Variants in CDH12 observed in about 807,000 individuals in gnomAD.
CDH12 encodes cadherin 12.
A neutral mutation model predicts 74.1 loss-of-function variants in CDH12; 41 were observed. The ratio of observed to expected loss-of-function variants is 0.55; its 90% confidence interval spans 0.43 to 0.72. CDH12 has a LOEUF of 0.72. CDH12 is among the 30% of genes least tolerant of loss of function. CDH12 has a pLI of 0.00. For missense variants in CDH12, 945 were observed against 977.2 expected, an observed-to-expected ratio of 0.97 and a Z score of 0.44; for synonymous variants, 399 against 355.0, an observed-to-expected ratio of 1.12 and a Z score of -1.39.
intron 6 of CDH12, among the ~76,000 whole-genome samples, chr5:21,905,286 A>G (rs1470689854): frequency 6.6e-6 from 1 of 152,236 alleles, no homozygotes; most frequent in African/African-American, 2.4e-5. Context: ...ACAAAACAAG[A>G]TAAAAACTAA....
intron 5 of CDH12, among the ~76,000 whole-genome samples, chr5:21,991,750 C>G (rs186843110): frequency 1.3e-5 from 2 of 151,354 alleles, no homozygotes; most frequent in Admixed American, 1.3e-4. Flanking sequence ...TTCCTTTCCT[C>G]ATTCTATAGT....
At chr5:22,545,202 G>A (rs546773470) in intron 1 of CDH12, among the ~76,000 whole-genome samples, 1 of 152,310 alleles carries the variant, frequency 6.6e-6, no homozygotes, top group South Asian at 2.1e-4. Flanking sequence ...AAAGGACTTT[G>A]AGAGGCCATC....
At chr5:22,247,491 A>G (rs1157548333) in intron 3 of CDH12, among the ~76,000 whole-genome samples, 1 of 152,116 alleles carries the variant, frequency 6.6e-6, no homozygotes, top group Non-Finnish European at 1.5e-5. Flanking sequence ...CCTAGGCAAT[A>G]TGGTAAAAAA....
At chr5:21,776,589 T>C (rs552865487) in intron 11 of CDH12, among the ~76,000 whole-genome samples, 1 of 152,270 alleles carries the variant, frequency 6.6e-6, no homozygotes, top group Non-Finnish European at 1.5e-5. Context: ...GCTCCACCTA[T>C]TTTTAGGATA....
intron 5 of CDH12, among the ~76,000 whole-genome samples, chr5:21,983,945 G>A (rs1757414170): frequency 6.6e-6 from 1 of 152,014 alleles, no homozygotes; most frequent in African/African-American, 2.4e-5. Flanking sequence ...TGTGAACTGT[G>A]GGATTTCTTG....
chr5:22,725,480 A>C (rs1744117818), intron 1 of CDH12, among the ~76,000 whole-genome samples: 1 of 151,842 alleles, frequency 6.6e-6, no homozygotes, highest in South Asian at 2.1e-4. Context: ...CTAAATCTAC[A>C]ATACACGTGT....
chr5:22,483,842 G>A (rs1296884915), intron 2 of CDH12, among the ~76,000 whole-genome samples: 3 of 140,508 alleles, frequency 2.1e-5, no homozygotes, highest in African/African-American at 8.0e-5. Flanking sequence ...GATCACTTGA[G>A]CCCAGGAATT....
At chr5:22,174,434 C>G (rs897410705) in intron 4 of CDH12, among the ~76,000 whole-genome samples, 1 of 151,920 alleles carries the variant, frequency 6.6e-6, no homozygotes, top group African/African-American at 2.4e-5. Flanking sequence ...TTTGTTTAAT[C>G]AGTTCAAGAT....
chr5:21,758,291 G>A (rs1387600365), intron 13 of CDH12, among the ~76,000 whole-genome samples: 1 of 151,980 alleles, frequency 6.6e-6, no homozygotes, highest in Non-Finnish European at 1.5e-5. Flanking sequence ...TTTGTCTTAT[G>A]GCCATTTCTC....
At chr5:22,642,674 T>A (rs1739215052) in intron 1 of CDH12, among the ~76,000 whole-genome samples, 1 of 152,124 alleles carries the variant, frequency 6.6e-6, no homozygotes, top group Admixed American at 6.6e-5. Flanking sequence ...TTATATTTTA[T>A]TTTTTAAAAA....
At chr5:22,428,683 C>G (rs745516754) in intron 2 of CDH12, among the ~76,000 whole-genome samples, 11 of 152,116 alleles carry the variant, frequency 7.2e-5, no homozygotes, top group Admixed American at 6.5e-5. Flanking sequence ...GCATTGCAAT[C>G]GGAGCAGATG....
chr5:22,647,741 C>T (rs897651784), intron 1 of CDH12, among the ~76,000 whole-genome samples: 5 of 151,812 alleles, frequency 3.3e-5, no homozygotes, highest in Non-Finnish European at 7.4e-5. Context: ...GACACAATAG[C>T]AAGTTCCTAC....
intron 6 of CDH12, among the ~76,000 whole-genome samples, chr5:21,891,168 A>T (rs1177381119): frequency 6.6e-6 from 1 of 152,120 alleles, no homozygotes; most frequent in Admixed American, 6.6e-5. Context: ...CTTTATTTGC[A>T]ATCAATTATC....
intron 3 of CDH12, among the ~76,000 whole-genome samples, chr5:22,244,509 AAAAAAAAAAAAAAAAAAAAAAAAAGAAG>A (rs1428543404): frequency 6.0e-5 from 1 of 16,786 alleles, no homozygotes; most frequent in Non-Finnish European, 1.1e-4. Flanking sequence ...AAAAAAAAAA[AAAAAAAAAAAAAAAAAAAAAAAAAGAAG>A]AAGAAGAAGA....
chr5:22,826,035 A>G (rs1736308049), intron 1 of CDH12, among the ~76,000 whole-genome samples: 1 of 152,200 alleles, frequency 6.6e-6, no homozygotes, highest in African/African-American at 2.4e-5. Context: ...CCAGTGTACT[A>G]GAGGACATAG....
At position 21,950,689 on chromosome 5, in the gene CDH12, G is replaced by T. The variant is rs190538249; in HGVS notation, c.526+24402C>A. Among the ~76,000 whole-genome samples the T allele has an allele frequency of 2.3e-4, 34 of 150,598 alleles. No individual in the cohort carries two copies. In the East Asian group the frequency reaches 6.4e-3, roughly 28 times the overall value. On this transcript the variant is annotated intron_variant, in intron 6 of 14. Coordinates refer to ENST00000382254, the MANE Select transcript of CDH12 (RefSeq NM_004061.5). ...CATAGGTAAGATAAAAGTAAAAAGA[G>T]AGAAACAGTAAAATAATTTAAAAAT...
intron 6 of CDH12, among the ~76,000 whole-genome samples, chr5:21,861,403 G>T (rs1054033451): frequency 6.6e-6 from 1 of 151,948 alleles, no homozygotes; most frequent in Non-Finnish European, 1.5e-5. Context: ...TTACATGAAA[G>T]CTTAACTAAA....
intron 2 of CDH12, among the ~76,000 whole-genome samples, chr5:22,453,685 G>C (rs1436739881): frequency 2.0e-5 from 3 of 152,098 alleles, no homozygotes; most frequent in Non-Finnish European, 4.4e-5. Context: ...TGGCTATAGT[G>C]AAAAATAATT....
At chr5:22,251,597 T>C (rs960595367) in intron 3 of CDH12, among the ~76,000 whole-genome samples, 3 of 152,204 alleles carry the variant, frequency 2.0e-5, no homozygotes, top group African/African-American at 7.2e-5. Context: ...AGGGATGCTG[T>C]GTATTAAAAT....
Sources: gnomAD v4.1 joint callset for allele counts (sites outside exome capture counted in the v4.1 genomes callset) on GRCh38, gnomAD v4.1.1 for gene constraint, MANE v1.5 for transcripts, NCBI Gene and HGNC (gene_info 2026-07-23, HGNC 2026-07-21) for gene names.